MYLK4: variants seen among roughly 807,000 people sequenced by gnomAD.
MYLK4 encodes the protein myosin light chain kinase family member 4, also known as caMLCK like.
Under a neutral mutation model 48.1 loss-of-function variants are expected in MYLK4, and 46 were observed. The observed-to-expected ratio is 0.96, with a 90% CI of 0.75 to 1.22. The LOEUF is 1.22. Among genes scored for constraint, MYLK4 ranks in the 50% most tolerant of loss-of-function variants. The pLI is 0.00. For missense variants in MYLK4, 451 were observed against 486.1 expected (o/e 0.93, Z 0.68); for synonymous variants, 170 against 180.8 (o/e 0.94, Z 0.48).
At chr6:2,738,328 T>C (rs527716286) in intron 2 of MYLK4, among the ~76,000 whole-genome samples, 93 of 152,342 alleles carry the variant, frequency 6.1e-4, no homozygotes, top group African/African-American at 2.1e-3. Context: ...ATAGGAAACA[T>C]CTTAATACAT....
At chr6:2,688,986 C>T in intron 3 of MYLK4, 30 bp from the exon 4 acceptor site, 1 of 1,592,606 alleles carries the variant, frequency 6.3e-7, no homozygotes, top group Non-Finnish European at 8.6e-7. Context: ...GAAGGGCAAT[C>T]TGTCAAGAAG....
chr6:2,685,581 C>CA lies in MYLK4; in HGVS notation c.342-6dup. 1 of 1,613,986 alleles carries CA rather than the reference C, an allele frequency of 6.2e-7. No homozygotes were observed. Among genetic ancestry groups the CA allele is most frequent in the East Asian group, 2.2e-5 (1 of 44,882 alleles). ...TGAACCTGGCCGAAACGCCCTCTGC[C>CA]AAAAAGAGGAAGCGGCGTAGCATGA... is the stretch of plus-strand genomic sequence containing the variant. On this transcript the variant is annotated splice_region_variant and splice_polypyrimidine_tract_variant and intron_variant, in intron 4 of 12. Transcript: ENST00000274643. This position sits in a 1 kb window ranked among gnomAD's most constrained non-coding sequence, Gnocchi z 4.5.
At chr6:2,729,476 C>A (rs1177688393) in intron 2 of MYLK4, among the ~76,000 whole-genome samples, 7 of 152,256 alleles carry the variant, frequency 4.6e-5, no homozygotes, top group Admixed American at 4.6e-4. Flanking sequence ...CTGATTATTA[C>A]AAACTTATAC....
chr6:2,696,667 C>A (rs1252537263), intron 2 of MYLK4, among the ~76,000 whole-genome samples: 1 of 152,204 alleles, frequency 6.6e-6, no homozygotes, highest in Non-Finnish European at 1.5e-5. Context: ...AGCTAAGACA[C>A]CATTCTTTTA....
At chr6:2,688,159 A>G (rs1472196937) in intron 4 of MYLK4, among the ~76,000 whole-genome samples, 1 of 151,904 alleles carries the variant, frequency 6.6e-6, no homozygotes, top group Non-Finnish European at 1.5e-5. Flanking sequence ...CCCTGGTTCA[A>G]GCGATTCTCC....
upstream of MYLK4, among the ~76,000 whole-genome samples, chr6:2,752,412 C>A (rs1764316969): frequency 6.6e-6 from 1 of 151,940 alleles, no homozygotes; most frequent in African/African-American, 2.4e-5. Context: ...TCCCCAAATG[C>A]CCCTTTTCTG....
chr6:2,744,222 G>A, intron 2 of MYLK4: 1 of 390,064 alleles, frequency 2.6e-6, no homozygotes, highest in Non-Finnish European at 4.5e-6. Context: ...CAAATAATCT[G>A]CCTCTTTAAA....
In MYLK4 at chr6:2,672,211, G is replaced by A. The variant is rs1187020499; in HGVS notation, c.1120-863C>T. Among the ~76,000 whole-genome samples, 1 of 152,128 alleles carries A rather than the reference G, an allele frequency of 6.6e-6. No homozygotes were observed. Among genetic ancestry groups the A allele is most frequent in the Admixed American group, 6.5e-5 (1 of 15,278 alleles). On this transcript the variant is annotated intron_variant, in intron 11 of 12. Coordinates refer to ENST00000274643, the MANE Select transcript of MYLK4 (RefSeq NM_001012418.5). The surrounding 1 kb of genome is among the most constrained non-coding windows in gnomAD (Gnocchi z 4.3). ...AATTTGTGTCGTGTTCCTTCCTCTG[G>A]CCCCAGAACCCTGGCTAATTCTGCA...
intron 2 of MYLK4, among the ~76,000 whole-genome samples, chr6:2,725,006 C>T (rs1041410020): frequency 1.3e-5 from 2 of 152,156 alleles, no homozygotes; most frequent in Non-Finnish European, 2.9e-5. Flanking sequence ...GAAAAATTAG[C>T]TGGGCATGGT....
chr6:2,708,574 G>A (rs761707404), intron 2 of MYLK4, among the ~76,000 whole-genome samples: 3 of 152,090 alleles, frequency 2.0e-5, no homozygotes, highest in African/African-American at 4.8e-5. Context: ...AAAGTAAATC[G>A]GCTATTCTAG....
Position 2,672,068 on chromosome 6 carries a change from T to C in MYLK4, c.1120-720A>G, listed in dbSNP as rs1320842446. ...GGGAAGAGGGTGAGTAGAGGTTGGA[T>C]ATCAGCTCATGGGTTGTTTTATTAG... On this transcript the variant is annotated intron_variant, in intron 11 of 12. Transcript: ENST00000274643. The surrounding 1 kb of genome is among the most constrained non-coding windows in gnomAD (Gnocchi z 4.3). Among the ~76,000 whole-genome samples, 1 of 152,148 alleles carries C rather than the reference T, an allele frequency of 6.6e-6. No individual in the cohort carries two copies. Among genetic ancestry groups the C allele is most frequent in the African/African-American group, 2.4e-5 (1 of 41,434 alleles).
chr6:2,702,418 C>T (rs997709947), intron 2 of MYLK4, among the ~76,000 whole-genome samples: 3 of 151,860 alleles, frequency 2.0e-5, no homozygotes, highest in African/African-American at 7.3e-5. Context: ...AGGTGACTAT[C>T]AACTTGAAAG....
At chr6:2,768,230 C>T in the MYLK4 span, among the ~76,000 whole-genome samples, 6 of 152,306 alleles carry the variant, frequency 3.9e-5, no homozygotes, top group South Asian at 1.0e-3. Context: ...CTCCCTCACT[C>T]TCCTTTTCTC....
intron 2 of MYLK4, among the ~76,000 whole-genome samples, chr6:2,704,209 C>T (rs1762405413): frequency 6.6e-6 from 1 of 152,196 alleles, no homozygotes; most frequent in South Asian, 2.1e-4. Flanking sequence ...ATTTACTGAT[C>T]ATCTCAACCA....
chr6:2,713,787 C>T (rs1418342583), intron 2 of MYLK4, among the ~76,000 whole-genome samples: 3 of 152,118 alleles, frequency 2.0e-5, no homozygotes, highest in Admixed American at 6.5e-5. Flanking sequence ...TTTAGGCCTA[C>T]GCATAGGCTG....
chr6:2,682,925 G>C, intron 7 of MYLK4, 96 bp downstream of exon 7: 1 of 1,365,006 alleles, frequency 7.3e-7, no homozygotes, highest in Non-Finnish European at 1.0e-6. Flanking sequence ...TGAAATGACT[G>C]TACCAATTTC....
chr6:2,722,570 T>C (rs2113293229), intron 2 of MYLK4, among the ~76,000 whole-genome samples: 1 of 144,380 alleles, frequency 6.9e-6, no homozygotes, highest in African/African-American at 2.5e-5. Flanking sequence ...AGGTGGAAAA[T>C]AGAAGAGACC....
intron 7 of MYLK4, among the ~76,000 whole-genome samples, chr6:2,681,276 C>T (rs901547020): frequency 3.3e-5 from 5 of 152,222 alleles, no homozygotes; most frequent in Non-Finnish European, 5.9e-5. Flanking sequence ...ATCAGAAATT[C>T]AGAAACACAT....
At position 2,684,233 on chromosome 6, in the gene MYLK4, C is replaced by A. The variant is rs184641180; in HGVS notation, c.545+1063G>T. ...GATGACCCGGTCGGCTACTAAGTGA[C>A]TAACCGCAGGGAGTGGTGGAGACGC... On this transcript the variant is annotated intron_variant, in intron 6 of 12. Transcript: ENST00000274643. Among the ~76,000 whole-genome samples, 729 of 152,270 alleles carry A rather than the reference C, an allele frequency of 4.8e-3. 6 individuals are homozygous for A. The highest frequency in any genetic ancestry group is 7.6e-3 in the Non-Finnish European group (515 of 68,024).
Sources: allele counts gnomAD v4.1 joint callset (sites outside exome capture counted in the v4.1 genomes callset), GRCh38; gene constraint gnomAD v4.1.1; non-coding constraint Gnocchi (gnomAD v3.1); transcripts MANE v1.5; gene names NCBI Gene and HGNC (gene_info 2026-07-23, HGNC 2026-07-21).